The following NOS1 variants were observed in gnomAD, a reference collection of about 807,000 sequenced individuals.
NOS1 encodes the protein nitric oxide synthase 1.
Under a neutral mutation model 164.5 loss-of-function variants are expected in NOS1, and 51 were observed. The ratio of observed to expected loss-of-function variants is 0.31; its 90% CI spans 0.25 to 0.39. NOS1 has a LOEUF of 0.39. Ranked by LOEUF, NOS1 falls within the 10% of genes least tolerant of loss-of-function variation. The pLI, the probability that NOS1 is intolerant of heterozygous loss-of-function variation, is 1.00. For missense variants in NOS1, 1,362 were observed against 1,885.6 expected, an observed-to-expected ratio of 0.72 and a Z score of 5.14; for synonymous variants, 719 against 745.8, an observed-to-expected ratio of 0.96 and a Z score of 0.59.
chr12:117,245,286 C>T (rs909904612), intron 18 of NOS1, among the ~76,000 whole-genome samples: 1 of 152,124 alleles, frequency 6.6e-6, no homozygotes, highest in East Asian at 1.9e-4. Context: ...TTTATTACCA[C>T]CTCCCACCCC....
intron 12 of NOS1, among the ~76,000 whole-genome samples, 172 bp from the exon 13 acceptor site, chr12:117,264,146 A>AGG (rs11314930): frequency 0.015 from 1,655 of 113,706 alleles, 44 homozygotes; most frequent in African/African-American, 0.058. Context: ...GGTTGGGGGG[A>AGG]GGGGGGGGGT....
chr12:117,305,435 G>A (rs1420390885), intron 3 of NOS1, among the ~76,000 whole-genome samples: 1 of 150,050 alleles, frequency 6.7e-6, no homozygotes, highest in Non-Finnish European at 1.5e-5. Context: ...TTGCACTCTT[G>A]CCTGGGCGAC....
intron 3 of NOS1, among the ~76,000 whole-genome samples, chr12:117,303,554 A>C (rs1873962975): frequency 6.6e-6 from 1 of 152,110 alleles, no homozygotes; most frequent in African/African-American, 2.4e-5. Flanking sequence ...AATGGGAAGG[A>C]TGGAAAAGAG....
At chr12:117,298,921 C>A (rs1164985897) in intron 3 of NOS1, among the ~76,000 whole-genome samples, 1 of 152,166 alleles carries the variant, frequency 6.6e-6, no homozygotes, top group African/African-American at 2.4e-5. Flanking sequence ...CAAGTCGCTT[C>A]TTATTCTTAT....
intron 26 of NOS1, among the ~76,000 whole-genome samples, chr12:117,220,708 A>G (rs1322312091): frequency 6.6e-6 from 1 of 152,128 alleles, no homozygotes; most frequent in Non-Finnish European, 1.5e-5. Context: ...CCCTGGGCCG[A>G]TAGCAAGAGA....
chr12:117,260,659 G>T, intron 13 of NOS1, 50 bp from the exon 14 acceptor site: 1 of 1,584,938 alleles, frequency 6.3e-7, no homozygotes, highest in African/African-American at 1.3e-5. Context: ...AAAGGGGAGA[G>T]AAGATGCTGG....
intron 1 of NOS1, among the ~76,000 whole-genome samples, chr12:117,340,372 A>C (rs1876039710): frequency 6.6e-6 from 1 of 152,186 alleles, no homozygotes; most frequent in Non-Finnish European, 1.5e-5. Context: ...TTGAAGTCAG[A>C]CTGTCTGATT....
intron 13 of NOS1, 47 bp downstream of exon 13, chr12:117,263,842 G>A (rs1444322690): frequency 7.0e-7 from 1 of 1,431,758 alleles, no homozygotes; most frequent in South Asian, 1.1e-5. Flanking sequence ...TGGGTTCTCT[G>A]AGTTTGTGGG....
chr12:117,311,552 C>G lies in NOS1; in HGVS notation c.766G>C (p.Val256Leu). Residue 256 changes from valine to leucine, a missense_variant, in exon 3 of 29, where the codon GTG (valine) becomes CTG (leucine). Transcript: ENST00000317775. ...TCATTGAAGACTCGGTCGTTCTCCA[C>G]GCCGAGGGGCAGAGGTTTGTGTGAC... is the stretch of plus-strand genomic sequence containing the variant. ...GKSHKPLPLG[V>L]ENDRVFNDLW... 6.2e-7 allele frequency: 1 copy of G among 1,612,940 alleles called. No individual in the cohort carries two copies. Among genetic ancestry groups the G allele is most frequent in the South Asian group, 1.1e-5 (1 of 90,638 alleles).
chr12:117,299,445 T>C (rs1011225601), intron 3 of NOS1, among the ~76,000 whole-genome samples: 3 of 151,904 alleles, frequency 2.0e-5, no homozygotes, highest in African/African-American at 7.3e-5. Context: ...AAGACCATCC[T>C]GGCTAACACG....
intron 1 of NOS1, among the ~76,000 whole-genome samples, chr12:117,344,082 A>G (rs1273034665): frequency 6.6e-6 from 1 of 152,250 alleles, no homozygotes; most frequent in African/African-American, 2.4e-5. Flanking sequence ...CTTCAATTGT[A>G]TAAAATGTAT....
At chr12:117,221,938 G>A (rs1322212060) in intron 26 of NOS1, among the ~76,000 whole-genome samples, 1 of 151,642 alleles carries the variant, frequency 6.6e-6, no homozygotes, top group Non-Finnish European at 1.5e-5. Context: ...GGGATTACAG[G>A]CGTGAGTCAC....
chr12:117,328,544 T>C (rs1004456068), intron 2 of NOS1, among the ~76,000 whole-genome samples: 7 of 151,540 alleles, frequency 4.6e-5, no homozygotes, highest in Admixed American at 2.7e-4. Flanking sequence ...TCTGATCCCA[T>C]CCTTCCCTGC....
At chr12:117,305,190 C>T (rs1044997804) in intron 3 of NOS1, 21 of 565,850 alleles carry the variant, frequency 3.7e-5, no homozygotes, top group African/African-American at 4.1e-5. Context: ...CGGCTGGGAG[C>T]GGTGGCTCAC....
At chr12:117,258,590 G>C in intron 15 of NOS1, 135 bp from the exon 16 acceptor site, 1 of 847,574 alleles carries the variant, frequency 1.2e-6, no homozygotes, top group Non-Finnish European at 2.0e-6. Context: ...GAGCGGTCAG[G>C]GGCTCAGGCT....
rs1872294607 is a variant in NOS1 at position 117,265,258 on chromosome 12, G to GAC, written c.2136+56_2136+57dup. The GAC allele has an allele frequency of 2.1e-6, 3 of 1,427,780 alleles. No individual in the cohort carries two copies. The East Asian group carries it at 7.3e-5, about 35-fold the overall frequency. The allele number at this position is 1,427,780 out of a possible 1,614,324, so 88.4% of individuals were successfully genotyped here. ...CCTGGGTTGAAATGAGCCTAAATGT[G>GAC]ACACACACACCAGATACAGGACACT... On this transcript the variant is annotated intron_variant, in intron 12 of 28. Transcript: ENST00000317775.
chr12:117,357,644 G>A (rs1461430070), intron 1 of NOS1, among the ~76,000 whole-genome samples: 1 of 152,064 alleles, frequency 6.6e-6, no homozygotes, highest in South Asian at 2.1e-4. Flanking sequence ...GAATCTCCTG[G>A]AGCAACCTTG....
At position 117,211,370 on chromosome 12, in the gene NOS1, C is replaced by T. The variant is rs1956525182; in HGVS notation, c.*3939G>A. The T allele has an allele frequency of 1.0e-6, 1 of 985,422 alleles. No homozygotes were observed. The highest frequency in any genetic ancestry group is 1.7e-5 in the African/African-American group (1 of 57,214). The allele number at this position is 985,422 out of a possible 1,614,324, so 61.0% of individuals were successfully genotyped here. On this transcript the variant is annotated 3_prime_UTR_variant, in exon 29 of 29. Transcript: ENST00000317775. ...ATCACTACATCCGCCTCTTCCCTCACTCAAGCCTTGGTTGCAGCAATAACC... is the reference window on the plus strand; with the variant it reads ...ATCACTACATCCGCCTCTTCCCTCATTCAAGCCTTGGTTGCAGCAATAACC...
chr12:117,301,918 C>T (rs1236636342), intron 3 of NOS1: 4 of 445,808 alleles, frequency 9.0e-6, no homozygotes, highest in East Asian at 7.1e-5. Flanking sequence ...ACAATAGTAA[C>T]GACCCCAACA....
Sources: allele counts gnomAD v4.1 joint callset (sites outside exome capture counted in the v4.1 genomes callset), GRCh38; gene constraint gnomAD v4.1.1; transcripts MANE v1.5; gene names NCBI Gene and HGNC (gene_info 2026-07-23, HGNC 2026-07-21).